KAZN: variants seen among roughly 807,000 people sequenced by gnomAD.
KAZN encodes the protein kazrin.
A neutral mutation model predicts 87.4 loss-of-function variants in KAZN; 40 were observed. The ratio of observed to expected loss-of-function variants is 0.46; its 90% confidence interval spans 0.36 to 0.60. The LOEUF (loss-of-function observed/expected upper bound fraction) is 0.60. KAZN is among the 20% of genes least tolerant of loss of function. KAZN has a pLI of 0.00. For missense variants in KAZN, 898 were observed against 1,073.9 expected, an observed-to-expected ratio of 0.84 and a Z score of 2.29; for synonymous variants, 466 against 458.3, an observed-to-expected ratio of 1.02 and a Z score of -0.22.
intron 1 of KAZN, among the ~76,000 whole-genome samples, chr1:14,049,787 C>T (rs1377981823): frequency 2.0e-5 from 3 of 152,194 alleles, no homozygotes; most frequent in Non-Finnish European, 2.9e-5. Flanking sequence ...GTGAGGGAAA[C>T]CAGACAGTGC....
chr1:14,178,592 A>G lies in KAZN; in HGVS notation c.92-1843A>G, dbSNP rs557405754. Among the ~76,000 whole-genome samples, 494 of 152,302 alleles carry G rather than the reference A, an allele frequency of 3.2e-3. 1 individual carries two copies. Among genetic ancestry groups the G allele is most frequent in the Middle Eastern group, 6.8e-3 (2 of 294 alleles). On this transcript the variant is annotated intron_variant, in intron 1 of 16. Coordinates refer to the KAZN transcript ENST00000636203. ...ATTCATGTTTGTTTTACAACCTTGA[A>G]CAAGCAAAGCATATTTTTAGTAGCT...
intron 1 of KAZN, among the ~76,000 whole-genome samples, chr1:14,799,752 T>A (rs1415800058): frequency 6.6e-6 from 1 of 150,486 alleles, no homozygotes; most frequent in African/African-American, 2.5e-5. Context: ...CCTTAAGAAC[T>A]TTTTTTTTGG....
intron 1 of KAZN, among the ~76,000 whole-genome samples, chr1:14,690,304 C>A (rs780924985): frequency 3.3e-5 from 5 of 152,150 alleles, no homozygotes; most frequent in Non-Finnish European, 7.3e-5. Flanking sequence ...TAACAGTGAA[C>A]CTGAGATGGC....
At chr1:14,554,255 G>C (rs72862096) in intron 2 of KAZN, among the ~76,000 whole-genome samples, 1 of 151,978 alleles carries the variant, frequency 6.6e-6, no homozygotes, top group Admixed American at 6.6e-5. Flanking sequence ...AGCTAGTACC[G>C]TCTCCACCTA....
At chr1:14,788,610 C>T (rs2100678473) in intron 1 of KAZN, among the ~76,000 whole-genome samples, 1 of 152,112 alleles carries the variant, frequency 6.6e-6, no homozygotes, top group Non-Finnish European at 1.5e-5. Flanking sequence ...GCATTGAGAC[C>T]CAGTAGACCC....
Position 14,736,868 on chromosome 1 carries a change from C to T in KAZN, c.226+137645C>T, listed in dbSNP as rs532552545. On this transcript the variant is annotated intron_variant, in intron 1 of 14. Transcript: ENST00000376030. ...TTCATTCATTCATTCATTCATTCAA[C>T]AAGTCTCTCTTGAGCACCAGCTGTA... Among the ~76,000 whole-genome samples the T allele has an allele frequency of 3.5e-4, 53 of 152,064 alleles. 2 individuals are homozygous for T. Among genetic ancestry groups the T allele is most frequent in the African/African-American group, 1.2e-3 (51 of 41,354 alleles).
At chr1:15,083,371 C>T (rs1012458429) in intron 8 of KAZN, among the ~76,000 whole-genome samples, 13 of 152,166 alleles carry the variant, frequency 8.5e-5, no homozygotes, top group South Asian at 4.1e-4. Flanking sequence ...TGGGCCTGTC[C>T]GGCCATCACC....
chr1:14,783,803 G>T (rs145815161), intron 1 of KAZN, among the ~76,000 whole-genome samples: 5 of 152,288 alleles, frequency 3.3e-5, no homozygotes, highest in East Asian at 1.9e-4. Flanking sequence ...GGGCGCACAA[G>T]AGACCTGGCC....
chr1:14,580,463 G>A (rs368202464), intron 2 of KAZN, among the ~76,000 whole-genome samples: 13 of 149,676 alleles, frequency 8.7e-5, no homozygotes, highest in Non-Finnish European at 1.6e-4. Flanking sequence ...CAACAAGAGC[G>A]AAACTCTATC....
rs78332601 is a variant in KAZN at position 14,539,001 on chromosome 1, A to C, written c.250-59982A>C. 9.4e-3 allele frequency among the ~76,000 whole-genome samples: 1,434 copies of C among 152,274 alleles called. 32 individuals are homozygous for C. The highest frequency in any genetic ancestry group is 0.033 in the African/African-American group (1,372 of 41,558). On this transcript the variant is annotated intron_variant, in intron 2 of 16. Transcript: ENST00000636203. ...AGGTCCTCGGCACAGTTATTCACTA[A>C]AACTTAGAGCGTTATTTTACTATTT...
In KAZN at chr1:14,957,416, C is replaced by T. The variant is rs535197123; in HGVS notation, c.227-3268C>T. ...CATTCGACAGACGTTACCGAGTGCC[C>T]GTGATGTGTCGCGCAGTCACTGTTT... is the stretch of plus-strand genomic sequence containing the variant. On this transcript the variant is annotated intron_variant, in intron 1 of 14. Transcript: ENST00000376030. Among the ~76,000 whole-genome samples the T allele has an allele frequency of 9.8e-5, 15 of 152,298 alleles. No individual in the cohort carries two copies. The East Asian group carries it at 1.2e-3, about 12-fold the overall frequency.
intron 1 of KAZN, among the ~76,000 whole-genome samples, chr1:13,982,094 G>C (rs1638747727): frequency 6.6e-6 from 1 of 152,160 alleles, no homozygotes; most frequent in Non-Finnish European, 1.5e-5. Flanking sequence ...ATTGTTATTG[G>C]GCAAAGGTCC....
At chr1:14,927,453 A>G (rs962305224) in intron 1 of KAZN, among the ~76,000 whole-genome samples, 1 of 152,158 alleles carries the variant, frequency 6.6e-6, no homozygotes, top group African/African-American at 2.4e-5. Context: ...GCTATGCAGA[A>G]AAATAAAGCC....
chr1:13,982,298 C>T (rs1375798636), intron 1 of KAZN, among the ~76,000 whole-genome samples: 2 of 152,152 alleles, frequency 1.3e-5, no homozygotes, highest in Non-Finnish European at 2.9e-5. Flanking sequence ...AAGCCGTGAA[C>T]CCTCACGGTG....
intron 1 of KAZN, among the ~76,000 whole-genome samples, chr1:13,908,108 A>C (rs903655496): frequency 6.6e-6 from 1 of 152,276 alleles, no homozygotes; most frequent in Non-Finnish European, 1.5e-5. Context: ...ACATTGTGGC[A>C]GTCCATTTTT....
At chr1:14,061,163 G>A (rs1570642669) in intron 1 of KAZN, among the ~76,000 whole-genome samples, 1 of 152,296 alleles carries the variant, frequency 6.6e-6, no homozygotes, top group Admixed American at 6.5e-5. Context: ...AAGACTACAG[G>A]CAGTTATAAA....
intron 2 of KAZN, among the ~76,000 whole-genome samples, chr1:14,324,919 T>C (rs1189808132): frequency 2.0e-5 from 3 of 151,652 alleles, no homozygotes; most frequent in Non-Finnish European, 2.9e-5. Context: ...CAGAAAGTTA[T>C]GAAAATAGCA....
At chr1:15,008,892 CTGTT>C (rs981798998) in intron 2 of KAZN, among the ~76,000 whole-genome samples, 2 of 152,224 alleles carry the variant, frequency 1.3e-5, no homozygotes, top group Admixed American at 1.3e-4. Context: ...TCACTTAGTG[CTGTT>C]TGTTTGGGCT....
chr1:14,075,230 A>G (rs1643405971), intron 1 of KAZN, among the ~76,000 whole-genome samples: 1 of 152,208 alleles, frequency 6.6e-6, no homozygotes, highest in Non-Finnish European at 1.5e-5. Context: ...ATCAGAGTTC[A>G]TTTAAATGTT....
Sources: gnomAD v4.1 joint callset for allele counts (sites outside exome capture counted in the v4.1 genomes callset) on GRCh38, gnomAD v4.1.1 for gene constraint, MANE v1.5 for transcripts, NCBI Gene and HGNC (gene_info 2026-07-23, HGNC 2026-07-21) for gene names.